The following ZFR2 variants were observed in gnomAD, a reference collection of about 807,000 sequenced individuals.
The protein encoded by ZFR2 is zinc finger RNA-binding protein 2.
ZFR2 carries 104 observed loss-of-function variants against 105.7 expected under a neutral mutation model. The ratio of observed to expected loss-of-function variants is 0.98; its 90% CI spans 0.84 to 1.16. The LOEUF (loss-of-function observed/expected upper bound fraction) is 1.16, where lower values mean the gene tolerates loss of function less well. Among genes scored for constraint, ZFR2 ranks in the 50% most tolerant of loss-of-function variants. The pLI is 0.00. For synonymous variants in ZFR2, 634 were observed against 597.7 expected, an observed-to-expected ratio of 1.06 and a Z score of -0.89; for missense variants, 1,425 against 1,355.5, an observed-to-expected ratio of 1.05 and a Z score of -0.80.
Position 3,819,149 on chromosome 19 carries a change from G to A in ZFR2, c.1827C>T (p.Ala609=), listed in dbSNP as rs374431960. 369 of 1,607,530 alleles carry A rather than the reference G, an allele frequency of 2.3e-4. No homozygotes were observed. Among genetic ancestry groups the A allele is most frequent in the Admixed American group, 7.1e-4 (42 of 58,878 alleles). Residue 609 remains alanine (A), a synonymous_variant, in exon 12 of 19, where the codon GCC becomes GCT. Coordinates refer to ENST00000262961, the MANE Select transcript of ZFR2 (RefSeq NM_015174.2). ...TIYPTEQELL[A]VQRAVSHAER... Reference sequence around the variant, plus strand: ...CTGCGTGGGACACGGCCCTCTGCACGGCCAGGAGCTCCTGCTCCGTGGGGT... The same window carrying A: ...CTGCGTGGGACACGGCCCTCTGCACAGCCAGGAGCTCCTGCTCCGTGGGGT...
chr19:3,822,238 G>A (rs771593413), intron 8 of ZFR2, 38 bp from the exon 9 acceptor site: 2 of 1,549,452 alleles, frequency 1.3e-6, no homozygotes, highest in Non-Finnish European at 1.7e-6. Flanking sequence ...CCAGGCACGA[G>A]GCGGGGTGGG....
rs539721274 is a variant in ZFR2 at position 3,826,705 on chromosome 19, C to T, written c.1035+766G>A. Reference sequence around the variant, plus strand: ...CACTCGCCTCGGCCTCCCAAAGTGCCGGGATTACAGGCGTGAGGCACCACG... The same window carrying T: ...CACTCGCCTCGGCCTCCCAAAGTGCTGGGATTACAGGCGTGAGGCACCACG... On this transcript the variant is annotated intron_variant, in intron 6 of 18. Coordinates refer to ENST00000262961, the MANE Select transcript of ZFR2 (RefSeq NM_015174.2). Among the ~76,000 whole-genome samples, 10 of 151,676 alleles carry T rather than the reference C, an allele frequency of 6.6e-5. No homozygotes were observed. In the East Asian group the frequency reaches 1.6e-3, roughly 24 times the overall value.
intron 1 of ZFR2, among the ~76,000 whole-genome samples, chr19:3,857,833 CAG>C (rs1344272331): frequency 1.3e-5 from 2 of 152,094 alleles, no homozygotes; most frequent in African/African-American, 4.8e-5. Context: ...TGTACTACAC[CAG>C]AGACAGCTGC....
At chr19:3,815,886 A>G (rs375188242) in intron 13 of ZFR2, among the ~76,000 whole-genome samples, 3 of 149,880 alleles carry the variant, frequency 2.0e-5, no homozygotes, top group African/African-American at 7.4e-5. Flanking sequence ...CGAGTAGCTG[A>G]GACTACAGGC....
At chr19:3,829,711 C>T (rs1164542970) in intron 5 of ZFR2, among the ~76,000 whole-genome samples, 1 of 151,886 alleles carries the variant, frequency 6.6e-6, no homozygotes, top group Non-Finnish European at 1.5e-5. Flanking sequence ...CAGGGTTTCA[C>T]CCATGTTGCC....
At chr19:3,863,183 G>A (rs1375460946) in intron 1 of ZFR2, among the ~76,000 whole-genome samples, 3 of 152,224 alleles carry the variant, frequency 2.0e-5, no homozygotes, top group South Asian at 2.1e-4. Context: ...TGACCAGGTC[G>A]GTTCTGAAGC....
chr19:3,834,931 G>T lies in ZFR2; in HGVS notation c.106C>A (p.Gln36Lys), dbSNP rs2038063846. 2 of 1,611,636 alleles carry T rather than the reference G, an allele frequency of 1.2e-6. No individual in the cohort carries two copies. Among genetic ancestry groups the T allele is most frequent in the Non-Finnish European group, 1.7e-6 (2 of 1,179,130 alleles). Residue 36 changes from glutamine to lysine, a missense_variant, in exon 2 of 19, where the codon CAA becomes AAA. By Grantham distance (53) the Gln-to-Lys change is moderately conservative. Transcript: ENST00000262961. The surrounding 1 kb of genome is among the most constrained non-coding windows in gnomAD (Gnocchi z 5.3). ...LPTVGASYTA[Q>K]PTPGMDPAVN... ...GCAGGGTCCATCCCAGGAGTGGGTT[G>T]TGCAGTATAGCTGGCCCCCACAGTG... is the stretch of plus-strand genomic sequence containing the variant.
At chr19:3,861,124 G>A (rs563074345) in intron 1 of ZFR2, among the ~76,000 whole-genome samples, 6 of 152,186 alleles carry the variant, frequency 3.9e-5, no homozygotes, top group Admixed American at 6.6e-5. Flanking sequence ...ACAATGCCGC[G>A]GAAGCAGAGC....
At chr19:3,844,813 G>A (rs985196734) in intron 1 of ZFR2, among the ~76,000 whole-genome samples, 1 of 152,168 alleles carries the variant, frequency 6.6e-6, no homozygotes, top group Non-Finnish European at 1.5e-5. Context: ...AGGCCTCCAC[G>A]TGGGAAGGAA....
At chr19:3,845,653 G>A (rs974119816) in intron 1 of ZFR2, among the ~76,000 whole-genome samples, 1 of 151,502 alleles carries the variant, frequency 6.6e-6, no homozygotes, top group African/African-American at 2.4e-5. Flanking sequence ...AAATTAGCCA[G>A]GCGTGGTGGT....
At chr19:3,810,655 G>T in intron 16 of ZFR2, 95 bp downstream of exon 16, 1 of 1,242,116 alleles carries the variant, frequency 8.1e-7, no homozygotes, top group South Asian at 1.6e-5. Context: ...CGGCTCCTTC[G>T]AGGGAAAAGG....
At chr19:3,816,269 C>A (rs1275548272) in intron 13 of ZFR2, among the ~76,000 whole-genome samples, 2 of 137,874 alleles carry the variant, frequency 1.5e-5, no homozygotes, top group Non-Finnish European at 3.1e-5. Flanking sequence ...TTTTTGAGAC[C>A]CAGTCTCGCT....
intron 1 of ZFR2, among the ~76,000 whole-genome samples, chr19:3,861,324 G>A (rs2038371050): frequency 6.6e-6 from 1 of 152,202 alleles, no homozygotes. Context: ...AAGAAATCTG[G>A]CAACTTTAAA....
At chr19:3,846,830 T>C (rs1008935990) in intron 1 of ZFR2, among the ~76,000 whole-genome samples, 3 of 152,352 alleles carry the variant, frequency 2.0e-5, no homozygotes, top group Admixed American at 1.3e-4. Context: ...TATTATCCGA[T>C]TGGTGGACAT....
At chr19:3,814,570 G>C (rs1362010971) in intron 13 of ZFR2, among the ~76,000 whole-genome samples, 1 of 152,178 alleles carries the variant, frequency 6.6e-6, no homozygotes, top group African/African-American at 2.4e-5. Flanking sequence ...CCCCCAGGGG[G>C]CTCCGTTGAC....
intron 8 of ZFR2, among the ~76,000 whole-genome samples, chr19:3,822,816 A>C (rs1038911275): frequency 2.0e-5 from 3 of 152,158 alleles, no homozygotes; most frequent in Non-Finnish European, 4.4e-5. Flanking sequence ...CTGGCCTGGG[A>C]GCTGGCAGAC....
intron 17 of ZFR2, among the ~76,000 whole-genome samples, chr19:3,808,427 T>C (rs1189144827): frequency 6.6e-6 from 1 of 152,270 alleles, no homozygotes; most frequent in African/African-American, 2.4e-5. Flanking sequence ...CCTGGCGCGT[T>C]CTCTTCCCTC....
intron 1 of ZFR2, among the ~76,000 whole-genome samples, chr19:3,862,385 C>A (rs778001329): frequency 2.0e-5 from 3 of 152,170 alleles, no homozygotes; most frequent in African/African-American, 7.2e-5. Flanking sequence ...GCAACCTCCA[C>A]CTCCCGGATT....
intron 1 of ZFR2, among the ~76,000 whole-genome samples, chr19:3,851,074 A>C (rs550807191): frequency 6.6e-6 from 1 of 152,028 alleles, no homozygotes; most frequent in Admixed American, 6.6e-5. Context: ...AACAGGGAAA[A>C]AATACATTTT....
Sources: gnomAD v4.1 joint callset for allele counts (sites outside exome capture counted in the v4.1 genomes callset) on GRCh38, gnomAD v4.1.1 for gene constraint, Gnocchi (gnomAD v3.1) non-coding constraint, MANE v1.5 for transcripts, NCBI Gene and HGNC (gene_info 2026-07-23, HGNC 2026-07-21) for gene names.